ZNF469: variants seen among roughly 807,000 people sequenced by gnomAD.
ZNF469 encodes the protein zinc finger protein 469.
In ZNF469, 1 loss-of-function variant was observed where a neutral mutation model predicts 1.0. That is an observed-to-expected ratio of 1.00 (90% confidence interval 0.35 to 4.73). The LOEUF (loss-of-function observed/expected upper bound fraction) is 4.73. Among genes scored for constraint, ZNF469 ranks in the 30% most tolerant of loss-of-function variants. The pLI is 0.16. For missense variants in ZNF469, 6,100 were observed against 5,356.3 expected, an observed-to-expected ratio of 1.14 and a Z score of -4.33; for synonymous variants, 2,703 against 2,363.4, an observed-to-expected ratio of 1.14 and a Z score of -4.17.
the ZNF469 span, among the ~76,000 whole-genome samples, chr16:88,198,165 A>C: frequency 5.5e-4 from 84 of 152,314 alleles, 1 homozygote; most frequent in East Asian, 0.014. Flanking sequence ...TCCTGCCATC[A>C]TGGAGCCTGC....
chr16:88,259,329 G>A, the ZNF469 span, among the ~76,000 whole-genome samples: 4 of 149,364 alleles, frequency 2.7e-5, no homozygotes, highest in African/African-American at 9.9e-5. This position sits in a 1 kb window ranked among gnomAD's most constrained non-coding sequence, Gnocchi z 4.1. Flanking sequence ...TCCCTCAGCC[G>A]CATCCCGCGC....
the ZNF469 span, among the ~76,000 whole-genome samples, chr16:88,331,234 CCACCATCACCATCGT>C: frequency 4.1e-5 from 6 of 144,938 alleles, no homozygotes; most frequent in Admixed American, 6.8e-5. Context: ...ACCACCATCA[CCACCATCACCATCGT>C]CACCATCACC....
the ZNF469 span, among the ~76,000 whole-genome samples, chr16:88,158,259 G>T: frequency 3.3e-4 from 50 of 152,036 alleles, no homozygotes; most frequent in African/African-American, 1.2e-3. Flanking sequence ...GGAGGTGGGG[G>T]CTGGGAGGCC....
At chr16:88,260,937 T>A in the ZNF469 span, among the ~76,000 whole-genome samples, 7 of 148,504 alleles carry the variant, frequency 4.7e-5, no homozygotes, top group East Asian at 4.0e-4. The surrounding 1 kb of genome is among the most constrained non-coding windows in gnomAD (Gnocchi z 4.1). Flanking sequence ...GGACGCAGAC[T>A]CTGGTGTGAT....
chr16:88,218,039 C>G, the ZNF469 span, among the ~76,000 whole-genome samples: 3 of 138,326 alleles, frequency 2.2e-5, 1 homozygote, highest in South Asian at 7.9e-4. Flanking sequence ...AATGGTTGAA[C>G]TAGTTTACAG....
the ZNF469 span, among the ~76,000 whole-genome samples, chr16:88,203,417 C>T: frequency 6.6e-6 from 1 of 152,140 alleles, no homozygotes; most frequent in Non-Finnish European, 1.5e-5. Context: ...TCCTCTCCTG[C>T]TCCCACAGCA....
the ZNF469 span, among the ~76,000 whole-genome samples, chr16:88,121,742 C>T: frequency 0.013 from 2,054 of 152,336 alleles, 14 homozygotes; most frequent in Non-Finnish European, 0.019. Flanking sequence ...AGGTTGCAGG[C>T]CGCACTGCAG....
chr16:88,102,380 T>C, the ZNF469 span, among the ~76,000 whole-genome samples: 1 of 152,030 alleles, frequency 6.6e-6, no homozygotes, highest in Non-Finnish European at 1.5e-5. Flanking sequence ...TTTAGCTGGG[T>C]GTGGTGGCAG....
At chr16:88,151,604 T>C in the ZNF469 span, among the ~76,000 whole-genome samples, 1 of 152,360 alleles carries the variant, frequency 6.6e-6, no homozygotes, top group African/African-American at 2.4e-5. This position sits in a 1 kb window ranked among gnomAD's most constrained non-coding sequence, Gnocchi z 5.4. Flanking sequence ...ACACCACTGC[T>C]TCTAGTGTCT....
At chr16:88,188,655 C>T in the ZNF469 span, among the ~76,000 whole-genome samples, 133 of 152,312 alleles carry the variant, frequency 8.7e-4, no homozygotes, top group African/African-American at 3.1e-3. Flanking sequence ...GCGTATCAAA[C>T]AAACTCTCAG....
At chr16:88,368,186 G>T in the ZNF469 span, among the ~76,000 whole-genome samples, 15,109 of 152,350 alleles carry the variant, frequency 0.099, 790 homozygotes, top group Middle Eastern at 0.13. Flanking sequence ...GGCATCAGAT[G>T]CTGTGTCCTT....
chr16:88,192,356 A>G, the ZNF469 span: 1 of 152,286 alleles, frequency 6.6e-6, no homozygotes, highest in Admixed American at 6.5e-5. Context: ...TGAGCCAGGT[A>G]GTTCGGAAAA....
rs1366289076 is a variant in ZNF469, at chr16:88,431,643, T to G, written c.4173T>G (p.Ala1391=). The G allele has an allele frequency of 6.4e-7, 1 of 1,550,486 alleles. No individual in the cohort carries two copies. The highest frequency in any genetic ancestry group is 1.4e-5 in the African/African-American group (1 of 73,182). The part of the protein sequence containing the change: ...SELFLGPKDL[A]GCFLEELHPK... ...TGTTCCTCGGACCCAAAGACCTGGC[T>G]GGCTGTTTCCTGGAAGAACTGCACC... The change falls in exon 3 of 3, where the codon GCT becomes GCG. Residue 1391 remains alanine, a synonymous_variant. Transcript: ENST00000565624.
At chr16:88,239,155 G>A in the ZNF469 span, among the ~76,000 whole-genome samples, 2 of 152,162 alleles carry the variant, frequency 1.3e-5, no homozygotes, top group African/African-American at 2.4e-5. Context: ...GCGGGTGAGG[G>A]AGGTGGGGTT....
At chr16:88,423,858 T>C (rs140142237) in intron 1 of ZNF469, among the ~76,000 whole-genome samples, 41 of 152,360 alleles carry the variant, frequency 2.7e-4, no homozygotes, top group African/African-American at 7.9e-4. Flanking sequence ...TAGGGCCCAA[T>C]CTTGAAGTCC....
At chr16:88,317,318 G>A in the ZNF469 span, among the ~76,000 whole-genome samples, 2 of 152,336 alleles carry the variant, frequency 1.3e-5, no homozygotes, top group East Asian at 3.9e-4. Flanking sequence ...CTTCTCCCCA[G>A]GGCAGATGCT....
the ZNF469 span, among the ~76,000 whole-genome samples, chr16:88,250,482 G>A: frequency 3.3e-5 from 5 of 151,984 alleles, no homozygotes; most frequent in Admixed American, 2.0e-4. Context: ...ATCCTGCCCG[G>A]GCTTCACTGA....
rs1415258955 is a variant in ZNF469 at position 88,407,294 on chromosome 16, G to A, written c.-191-17513G>A. ...TTCCAGGGATCCGTCCGGAACCGTC[G>A]CCAGCACCTGCGTGCAGCTCTGAGC... On this transcript the variant is annotated intron_variant, in intron 1 of 2. Coordinates refer to ENST00000565624, the MANE Select transcript of ZNF469 (RefSeq NM_001367624.2). Among the ~76,000 whole-genome samples, 7 of 109,162 alleles carry A rather than the reference G, an allele frequency of 6.4e-5. No homozygotes were observed. In the East Asian group the frequency reaches 7.4e-4, roughly 11 times the overall value. The allele number at this position is 109,162 out of a possible 152,430, so 71.6% of individuals were successfully genotyped here.
the ZNF469 span, among the ~76,000 whole-genome samples, chr16:88,322,456 C>T: frequency 3.9e-5 from 6 of 152,268 alleles, no homozygotes; most frequent in Admixed American, 3.9e-4. Context: ...CATCCTGAAG[C>T]TCCACAGCCG....
Sources: gnomAD v4.1 joint callset for allele counts (sites outside exome capture counted in the v4.1 genomes callset) on GRCh38, gnomAD v4.1.1 for gene constraint, Gnocchi (gnomAD v3.1) non-coding constraint, MANE v1.5 for transcripts, NCBI Gene and HGNC (gene_info 2026-07-23, HGNC 2026-07-21) for gene names.